AVP: variants seen among roughly 807,000 people sequenced by gnomAD.
AVP encodes vasopressin-neurophysin 2-copeptin.
AVP carries 9 observed loss-of-function variants against 11.1 expected under a neutral mutation model. That is an observed-to-expected ratio of 0.81 (90% CI 0.49 to 1.42). The LOEUF is 1.42. Among genes scored for constraint, AVP ranks in the 40% most tolerant of loss-of-function variants. The pLI, the probability that AVP is intolerant of heterozygous loss-of-function variation, is 0.00. For missense variants in AVP, 206 were observed against 238.5 expected (o/e 0.86, Z 0.90); for synonymous variants, 106 against 111.3 (o/e 0.95, Z 0.30).
rs919756167 is a variant in AVP, at chr20:3,083,875, G to A, written c.120+680C>T. On this transcript the variant is annotated intron_variant, in intron 1 of 2. Coordinates refer to ENST00000380293, the MANE Select transcript of AVP (RefSeq NM_000490.5). The surrounding 1 kb of genome is among the most constrained non-coding windows in gnomAD (Gnocchi z 5.4). ...GCCACTCTCATCTGCTCAACAGCCG[G>A]TTCTCTGGCGCAATGGATAGCGCAT... 2.5e-4 allele frequency among the ~76,000 whole-genome samples: 38 copies of A among 152,228 alleles called. No homozygotes were observed. The highest frequency in any genetic ancestry group is 9.2e-4 in the African/African-American group (38 of 41,464).
At chr20:3,084,493 T>C in intron 1 of AVP, 62 bp downstream of exon 1, 1 of 1,610,682 alleles carries the variant, frequency 6.2e-7, no homozygotes, top group Non-Finnish European at 8.5e-7. Context: ...TCCTAGCCCC[T>C]GACCCAGGGT....
chr20:3,082,676 G>T lies in AVP; in HGVS notation c.449C>A (p.Ala150Asp). The T allele has an allele frequency of 7.8e-7, 1 of 1,285,272 alleles. No individual in the cohort carries two copies. Among genetic ancestry groups the T allele is most frequent in the Non-Finnish European group, 9.8e-7 (1 of 1,019,672 alleles). The allele number at this position is 1,285,272 out of a possible 1,614,324, so 79.6% of individuals were successfully genotyped here. The change falls in exon 3 of 3, where the codon GCC (alanine) becomes GAC (aspartate). Residue 150 changes from alanine (A) to aspartate (D), a missense_variant. By Grantham distance (126) the Ala-to-Asp change is moderately radical. Coordinates refer to ENST00000380293, the MANE Select transcript of AVP (RefSeq NM_000490.5). This position sits in a 1 kb window ranked among gnomAD's most constrained non-coding sequence, Gnocchi z 4.7. The part of the protein sequence containing the change: ...GALLLRLVQL[A>D]GAPEPFEPAQ... ...GGGCTCGAAGGGCTCGGGCGCCCCG[G>T]CCAGCTGCACCAGCCGCAGCAGCAA...
chr20:3,082,907 G>A lies in AVP; in HGVS notation c.322+70C>T. ...GGCCCGACGCAGCCCCCACCCCGCC[G>A]CAGGCCCGCGTCCCCCCCACCCAAG... On this transcript the variant is annotated intron_variant, in intron 2 of 2. Coordinates refer to ENST00000380293, the MANE Select transcript of AVP (RefSeq NM_000490.5). This position sits in a 1 kb window ranked among gnomAD's most constrained non-coding sequence, Gnocchi z 4.7. 2 of 430,460 alleles carry A rather than the reference G, an allele frequency of 4.6e-6. No homozygotes were observed. The highest frequency in any genetic ancestry group is 6.4e-6 in the Non-Finnish European group (2 of 313,520). 26.7% of individuals were successfully genotyped at this position (430,460 alleles called of 1,614,324 possible).
rs1469725476 is a variant in AVP, at chr20:3,082,897, C to T, written c.322+80G>A. ...CTCCCTGCCGGGCCCGACGCAGCCC[C>T]CACCCCGCCGCAGGCCCGCGTCCCC... On this transcript the variant is annotated intron_variant, in intron 2 of 2. Coordinates refer to ENST00000380293, the MANE Select transcript of AVP (RefSeq NM_000490.5). The surrounding 1 kb of genome is among the most constrained non-coding windows in gnomAD (Gnocchi z 4.7). The T allele has an allele frequency of 4.2e-6, 5 of 1,194,836 alleles. No homozygotes were observed. In the African/African-American group the frequency reaches 6.5e-5, roughly 15 times the overall value. The allele number at this position is 1,194,836 out of a possible 1,614,324, so 74.0% of individuals were successfully genotyped here. A position where few individuals can be genotyped will look rare whatever the true frequency, so the allele number is the denominator to read the frequency against.
chr20:3,084,483 T>C, intron 1 of AVP, 72 bp downstream of exon 1: 1 of 1,608,132 alleles, frequency 6.2e-7, no homozygotes, highest in South Asian at 1.1e-5. Context: ...CTTCCCTCTT[T>C]CCTAGCCCCT....
At chr20:3,084,372 C>T (rs1477117903) in intron 1 of AVP, among the ~76,000 whole-genome samples, 183 bp downstream of exon 1, 2 of 152,174 alleles carry the variant, frequency 1.3e-5, no homozygotes, top group African/African-American at 4.8e-5. Context: ...TCCTCCAAAG[C>T]CTGGTCCCCT....
chr20:3,082,844 G>A lies in AVP; in HGVS notation c.323-42C>T. 1 of 1,220,324 alleles carries A rather than the reference G, an allele frequency of 8.2e-7. No individual in the cohort carries two copies. The highest frequency in any genetic ancestry group is 1.0e-6 in the Non-Finnish European group (1 of 981,436). The allele number at this position is 1,220,324 out of a possible 1,614,324, so 75.6% of individuals were successfully genotyped here. ...TGAGCACGGGCGCCCTGGGGCGGGC[G>A]CAGCTCGGGGTGCGGGGGGCCCACA... On this transcript the variant is annotated intron_variant, in intron 2 of 2. Coordinates refer to ENST00000380293, the MANE Select transcript of AVP (RefSeq NM_000490.5). The surrounding 1 kb of genome is among the most constrained non-coding windows in gnomAD (Gnocchi z 4.7).
rs775154217 is a variant in AVP at position 3,083,136 on chromosome 20, G to C, written c.163C>G (p.Pro55Ala). 2 of 1,524,118 alleles carry C rather than the reference G, an allele frequency of 1.3e-6. No individual in the cohort carries two copies. Among genetic ancestry groups the C allele is most frequent in the Non-Finnish European group, 1.7e-6 (2 of 1,144,372 alleles). 94.4% of individuals were successfully genotyped at this position (1,524,118 alleles called of 1,614,324 possible). The change falls in exon 2 of 3, where the codon CCC becomes GCC. Residue 55 changes from proline (P) to alanine (A), a missense_variant. Pro to Ala is a conservative substitution (Grantham distance 27). Transcript: ENST00000380293. The surrounding 1 kb of genome is among the most constrained non-coding windows in gnomAD (Gnocchi z 5.4). Reference sequence around the variant, plus strand: ...AGCTCGTCCGCGCAGCAGATGCTGGGCCCGAAGCAGCGGCCTTTGCCCCCG... The same window carrying C: ...AGCTCGTCCGCGCAGCAGATGCTGGCCCCGAAGCAGCGGCCTTTGCCCCCG... ...GPGGKGRCFG[P>A]SICCADELGC...
Position 3,083,342 on chromosome 20 carries a change from G to T in AVP, c.121-164C>A, listed in dbSNP as rs1446217819. ...CGGGCGCCACTGGGCCTCGACCGCG[G>T]TCACGGGCGGGGCGTCCAGATCTGC... is the stretch of plus-strand genomic sequence containing the variant. On this transcript the variant is annotated intron_variant, in intron 1 of 2. Coordinates refer to ENST00000380293, the MANE Select transcript of AVP (RefSeq NM_000490.5). The surrounding 1 kb of genome is among the most constrained non-coding windows in gnomAD (Gnocchi z 5.4). Among the ~76,000 whole-genome samples, 1 of 152,158 alleles carries T rather than the reference G, an allele frequency of 6.6e-6. No homozygotes were observed. Among genetic ancestry groups the T allele is most frequent in the South Asian group, 2.1e-4 (1 of 4,832 alleles).
At chr20:3,084,433 C>T in intron 1 of AVP, 122 bp downstream of exon 1, 1 of 1,545,602 alleles carries the variant, frequency 6.5e-7, no homozygotes. Context: ...CCTCCCTCTT[C>T]CTCCCCCGAA....
chr20:3,082,860 G>C lies in AVP; in HGVS notation c.323-58C>G, dbSNP rs1250123219. The C allele has an allele frequency of 4.1e-6, 5 of 1,220,306 alleles. No homozygotes were observed. Among genetic ancestry groups the C allele is most frequent in the Non-Finnish European group, 3.1e-6 (3 of 981,668 alleles). The allele number at this position is 1,220,306 out of a possible 1,614,324, so 75.6% of individuals were successfully genotyped here. A position where few individuals can be genotyped will look rare whatever the true frequency, so the allele number is the denominator to read the frequency against. On this transcript the variant is annotated intron_variant, in intron 2 of 2. Transcript: ENST00000380293. This position sits in a 1 kb window ranked among gnomAD's most constrained non-coding sequence, Gnocchi z 4.7. ...GGGGCGGGCGCAGCTCGGGGTGCGGGGGGCCCACACCCTCCCTGCCGGGCC... is the reference window on the plus strand; with the variant it reads ...GGGGCGGGCGCAGCTCGGGGTGCGGCGGGCCCACACCCTCCCTGCCGGGCC...
chr20:3,082,992 C>A lies in AVP; in HGVS notation c.307G>T (p.Val103Phe), dbSNP rs1432060450. Reference protein sequence around the residue: ...GSGGRCAAFGVCCNDESCVTE... With the variant: ...GSGGRCAAFGFCCNDESCVTE... ...CGCCGCGCACCGTCGTTGCAGCAAA[C>A]GCCGAAGGCGGCGCAGCGGCCCCCG... The change falls in exon 2 of 3, where the codon GTT (valine) becomes TTT (phenylalanine). Residue 103 changes from valine to phenylalanine, a missense_variant. Transcript: ENST00000380293. This position sits in a 1 kb window ranked among gnomAD's most constrained non-coding sequence, Gnocchi z 4.7. The A allele has an allele frequency of 1.5e-6, 2 of 1,357,284 alleles. No individual in the cohort carries two copies. The highest frequency in any genetic ancestry group is 1.9e-6 in the Non-Finnish European group (2 of 1,036,776). 84.1% of individuals were successfully genotyped at this position (1,357,284 alleles called of 1,614,324 possible).
chr20:3,082,941 G>GA lies in AVP; in HGVS notation c.322+35_322+36insT. ...CGTCCCCCCCACCCAAGCGGTCTGC[G>GA]CCCCCCCCAGCCCCAGGCCCGCCCC... On this transcript the variant is annotated intron_variant, in intron 2 of 2. Coordinates refer to ENST00000380293, the MANE Select transcript of AVP (RefSeq NM_000490.5). The surrounding 1 kb of genome is among the most constrained non-coding windows in gnomAD (Gnocchi z 4.7). The GA allele has an allele frequency of 9.1e-7, 1 of 1,100,526 alleles. No individual in the cohort carries two copies. Among genetic ancestry groups the GA allele is most frequent in the Non-Finnish European group, 1.2e-6 (1 of 862,214 alleles). The allele number at this position is 1,100,526 out of a possible 1,614,324, so 68.2% of individuals were successfully genotyped here. A position where few individuals can be genotyped will look rare whatever the true frequency, so the allele number is the denominator to read the frequency against.
In AVP at chr20:3,083,655, T is replaced by C. The variant is rs1025611209; in HGVS notation, c.121-477A>G. ...ACCCCGGCCCTTCCCATTTCCTGTC[T>C]CCTCTCTTGCCTTGCCCCTGGCCCC... On this transcript the variant is annotated intron_variant, in intron 1 of 2. Coordinates refer to ENST00000380293, the MANE Select transcript of AVP (RefSeq NM_000490.5). This position sits in a 1 kb window ranked among gnomAD's most constrained non-coding sequence, Gnocchi z 5.4. 6.6e-6 allele frequency among the ~76,000 whole-genome samples: 1 copy of C among 151,950 alleles called. No homozygotes were observed. The highest frequency in any genetic ancestry group is 1.5e-5 in the Non-Finnish European group (1 of 67,972).
rs1331301868 is a variant in AVP at position 3,084,654 on chromosome 20, G to GGGCAGCATGGTGTCA, written c.6_20dup (p.Asp3_Pro7dup). On this transcript the variant is annotated inframe_insertion, in exon 1 of 3. Transcript: ENST00000380293. ...AGGCCAGTAGGCCGAGGAAGCAGGCGGGCAGCATGGTGTCAGGCATCCTGG... is the reference window on the plus strand; with the variant it reads ...AGGCCAGTAGGCCGAGGAAGCAGGCGGGCAGCATGGTGTCAGGCAGCATGGTGTCAGGCATCCTGG... 2 of 1,613,496 alleles carry GGGCAGCATGGTGTCA rather than the reference G, an allele frequency of 1.2e-6. No individual in the cohort carries two copies. Among genetic ancestry groups the GGGCAGCATGGTGTCA allele is most frequent in the Non-Finnish European group, 1.7e-6 (2 of 1,180,026 alleles).
Position 3,082,689 on chromosome 20 carries a change from G to T in AVP, c.436C>A (p.Leu146Met). 1 of 1,292,744 alleles carries T rather than the reference G, an allele frequency of 7.7e-7. No homozygotes were observed. Among genetic ancestry groups the T allele is most frequent in the Non-Finnish European group, 9.8e-7 (1 of 1,023,400 alleles). 80.1% of individuals were successfully genotyped at this position (1,292,744 alleles called of 1,614,324 possible). A position where few individuals can be genotyped will look rare whatever the true frequency, so the allele number is the denominator to read the frequency against. ...TCGGGCGCCCCGGCCAGCTGCACCA[G>T]CCGCAGCAGCAAGGCCCCGGCCGGC... Reference protein sequence around the residue: ...DGPAGALLLRLVQLAGAPEPF... With the variant: ...DGPAGALLLRMVQLAGAPEPF... Residue 146 changes from leucine (L) to methionine (M), a missense_variant, in exon 3 of 3, where the codon CTG (leucine) becomes ATG (methionine). Around this residue, in one of 2 missense-constraint regions of AVP, gnomAD observed 106 missense variants for 89.2 expected, o/e 1.19. Transcript: ENST00000380293. This position sits in a 1 kb window ranked among gnomAD's most constrained non-coding sequence, Gnocchi z 4.7.
In AVP at chr20:3,082,603, A is replaced by G; in HGVS notation, c.*27T>C. ...CCGTGCTGCAGGGGCGGGCGCGAAGAGCGCGCCGGTGGGGCGAGCGCGGGG... is the reference window on the plus strand; with the variant it reads ...CCGTGCTGCAGGGGCGGGCGCGAAGGGCGCGCCGGTGGGGCGAGCGCGGGG... On this transcript the variant is annotated 3_prime_UTR_variant, in exon 3 of 3. Coordinates refer to ENST00000380293, the MANE Select transcript of AVP (RefSeq NM_000490.5). The surrounding 1 kb of genome is among the most constrained non-coding windows in gnomAD (Gnocchi z 4.7). The G allele has an allele frequency of 8.0e-7, 1 of 1,243,812 alleles. No individual in the cohort carries two copies. The highest frequency in any genetic ancestry group is 1.0e-6 in the Non-Finnish European group (1 of 994,876). 77.0% of individuals were successfully genotyped at this position (1,243,812 alleles called of 1,614,324 possible).
chr20:3,084,392 C>A (rs1397739125), intron 1 of AVP, among the ~76,000 whole-genome samples, 163 bp downstream of exon 1: 2 of 152,206 alleles, frequency 1.3e-5, no homozygotes, highest in Admixed American at 6.5e-5. Context: ...TCTGGCCCAC[C>A]CCATTGGCTC....
In AVP at chr20:3,084,557, G is replaced by C. The variant is rs761625433; in HGVS notation, c.118C>G (p.Gln40Glu). The change falls in exon 1 of 3, where the codon CAG (glutamine) becomes GAG (glutamate). Residue 40 changes from glutamine to glutamate, a missense_variant and splice_region_variant. By Grantham distance (29) the Gln-to-Glu change is conservative. Transcript: ENST00000380293. ...AGATGGCCCACAGTGGGAAGTACCT[G>C]TCTCAGCTCCAGGTCGGACATGGCC... is the stretch of plus-strand genomic sequence containing the variant. ...KRAMSDLELR[Q>E]CLPCGPGGKG... The C allele has an allele frequency of 6.2e-6, 10 of 1,613,830 alleles. No homozygotes were observed. Among genetic ancestry groups the C allele is most frequent in the Non-Finnish European group, 8.5e-6 (10 of 1,180,048 alleles).
Sources: gnomAD v4.1 joint callset for allele counts (sites outside exome capture counted in the v4.1 genomes callset) on GRCh38, gnomAD v4.1.1 for gene constraint, gnomAD v4.1.1 regional missense constraint, Gnocchi (gnomAD v3.1) non-coding constraint, MANE v1.5 for transcripts, NCBI Gene and HGNC (gene_info 2026-07-23, HGNC 2026-07-21) for gene names.